Variants in GTF2F1 observed in about 807,000 individuals in gnomAD.
The protein encoded by GTF2F1 is general transcription factor IIF 74 kDa subunit.
GTF2F1 carries 39 observed loss-of-function variants against 63.5 expected under a neutral mutation model. The ratio of observed to expected loss-of-function variants is 0.61; its 90% CI spans 0.48 to 0.80. GTF2F1 has a LOEUF of 0.80. Among genes scored for constraint, GTF2F1 ranks in the 30% least tolerant of loss-of-function variants. The pLI is 0.00. For synonymous variants in GTF2F1, 287 were observed against 285.3 expected (o/e 1.01, Z -0.06); for missense variants, 657 against 718.3 (o/e 0.91, Z 0.97).
intron 5 of GTF2F1, among the ~76,000 whole-genome samples, chr19:6,384,673 T>A (rs1041521830): frequency 6.6e-6 from 1 of 152,146 alleles, no homozygotes; most frequent in Non-Finnish European, 1.5e-5. Context: ...CTCAAGCCTG[T>A]CATCCCAGCA....
At chr19:6,392,769 C>T in intron 2 of GTF2F1, 88 bp downstream of exon 2, 1 of 1,336,864 alleles carries the variant, frequency 7.5e-7, no homozygotes, top group Non-Finnish European at 1.1e-6. Flanking sequence ...GAACCACAGA[C>T]AGGGCCAGAA....
At chr19:6,392,476 A>T (rs1227682216) in intron 2 of GTF2F1, 2 of 520,966 alleles carry the variant, frequency 3.8e-6, no homozygotes, top group South Asian at 3.1e-5. Context: ...GCAGAGTCAC[A>T]GTTTAGGGGT....
At position 6,380,620 on chromosome 19, in the gene GTF2F1, C is replaced by G; in HGVS notation, c.1302G>C (p.Gly434=). The part of the protein sequence containing the change: ...RLDTGPQSLS[G]KSTPQPPSGK... Reference sequence around the variant, plus strand: ...CTGATGGTGGCTGGGGTGTCGACTTCCCAGACAGGCTCTGGGGTCCCGTGT... The same window carrying G: ...CTGATGGTGGCTGGGGTGTCGACTTGCCAGACAGGCTCTGGGGTCCCGTGT... Residue 434 remains glycine, a synonymous_variant, in exon 12 of 13, where the codon GGG becomes GGC. Transcript: ENST00000394456. This position sits in a 1 kb window ranked among gnomAD's most constrained non-coding sequence, Gnocchi z 5.3. 1 of 1,613,946 alleles carries G rather than the reference C, an allele frequency of 6.2e-7. No homozygotes were observed. The highest frequency in any genetic ancestry group is 8.5e-7 in the Non-Finnish European group (1 of 1,180,022).
In GTF2F1 at chr19:6,381,711, C is replaced by A. The variant is rs2091952660; in HGVS notation, c.822G>T (p.Met274Ile). 6.2e-7 allele frequency: 1 copy of A among 1,614,208 alleles called. No homozygotes were observed. Among genetic ancestry groups the A allele is most frequent in the Non-Finnish European group, 8.5e-7 (1 of 1,180,042 alleles). The change falls in exon 7 of 13, where the codon ATG becomes ATT. Residue 274 changes from methionine to isoleucine, a missense_variant. By Grantham distance (10) the Met-to-Ile change is conservative. Transcript: ENST00000394456. This position sits in a 1 kb window ranked among gnomAD's most constrained non-coding sequence, Gnocchi z 4.1. ...GDFEGQEVDY[M>I]SDGSSSSQEE... ...GTCGGCCTCACCTGGAGCCGTCTGA[C>A]ATGTAGTCCACCTCTTGGCCCTCGA...
rs746921999 is a variant in GTF2F1 at position 6,380,587 on chromosome 19, T to C, written c.1335A>G (p.Thr445=). 5.0e-6 allele frequency: 8 copies of C among 1,613,932 alleles called. No individual in the cohort carries two copies. Among genetic ancestry groups the C allele is most frequent in the Non-Finnish European group, 6.8e-6 (8 of 1,179,990 alleles). Residue 445 remains threonine, a synonymous_variant, in exon 12 of 13, where the codon ACA becomes ACG. Coordinates refer to ENST00000394456, the MANE Select transcript of GTF2F1 (RefSeq NM_002096.3). The surrounding 1 kb of genome is among the most constrained non-coding windows in gnomAD (Gnocchi z 5.3). ...KSTPQPPSGK[T]TPNSGDVQVT... is the part of the protein sequence containing the mutation. Reference sequence around the variant, plus strand: ...CGTCAACTTACCCGCTGTTGGGTGTTGTCTTGCCTGATGGTGGCTGGGGTG... The same window carrying C: ...CGTCAACTTACCCGCTGTTGGGTGTCGTCTTGCCTGATGGTGGCTGGGGTG...
At chr19:6,385,383 G>T (rs1007378785) in intron 5 of GTF2F1, among the ~76,000 whole-genome samples, 1 of 110,904 alleles carries the variant, frequency 9.0e-6, no homozygotes, top group Non-Finnish European at 1.7e-5. Flanking sequence ...CTGGGTGACA[G>T]TGAGACTGTC....
intron 4 of GTF2F1, among the ~76,000 whole-genome samples, chr19:6,388,296 C>T (rs1257654280): frequency 2.6e-5 from 4 of 152,192 alleles, no homozygotes; most frequent in Non-Finnish European, 5.9e-5. Context: ...TAAACAACTG[C>T]CCAGCCTCCT....
Position 6,384,755 on chromosome 19 carries a change from C to T in GTF2F1, c.498-1260G>A, listed in dbSNP as rs113222501. Among the ~76,000 whole-genome samples, 135 of 151,938 alleles carry T rather than the reference C, an allele frequency of 8.9e-4. 1 individual carries two copies. Among genetic ancestry groups the T allele is most frequent in the African/African-American group, 2.8e-3 (116 of 41,424 alleles). On this transcript the variant is annotated intron_variant, in intron 5 of 12. Transcript: ENST00000394456. Reference sequence around the variant, plus strand: ...TTTGAGACCAGCCTGAGCAACATGGCGAGACACCATCACCATTTGTTCTTT... The same window carrying T: ...TTTGAGACCAGCCTGAGCAACATGGTGAGACACCATCACCATTTGTTCTTT...
chr19:6,386,395 A>C (rs1012381501), intron 5 of GTF2F1, among the ~76,000 whole-genome samples: 1 of 146,720 alleles, frequency 6.8e-6, no homozygotes, highest in Non-Finnish European at 1.5e-5. Context: ...TTCAAAAAAA[A>C]ACACACAAAC....
rs1292370628 is a variant in GTF2F1, at chr19:6,383,400, C to T, written c.593G>A (p.Gly198Asp). 1 of 1,614,240 alleles carries T rather than the reference C, an allele frequency of 6.2e-7. No individual in the cohort carries two copies. ...GCGCAGCTCGCTCGCCTTCCTGCGG[C>T]CACGTTTCTCCTTCTCCTCCTCATC... ...DEDEEEKEKR[G>D]RRKASELRIH... The change falls in exon 6 of 13, where the codon GGC becomes GAC. Residue 198 changes from glycine (G) to aspartate (D), a missense_variant. This residue lies in a region of GTF2F1 where 602 missense variants were observed against 625.6 expected (regional missense o/e 0.96). Coordinates refer to ENST00000394456, the MANE Select transcript of GTF2F1 (RefSeq NM_002096.3). This position sits in a 1 kb window ranked among gnomAD's most constrained non-coding sequence, Gnocchi z 4.5.
chr19:6,389,810 T>C (rs1226201392), intron 3 of GTF2F1, 173 bp from the exon 4 acceptor site: 1 of 569,120 alleles, frequency 1.8e-6, no homozygotes, highest in Admixed American at 3.2e-5. Flanking sequence ...GTAAAGGGAA[T>C]TTGGGCGAGC....
rs2092008953 is a variant in GTF2F1 at position 6,393,130 on chromosome 19, G to A, written c.-135C>T. 7.1e-6 allele frequency: 8 copies of A among 1,124,822 alleles called. No individual in the cohort carries two copies. The South Asian group carries it at 9.2e-5, about 13-fold the overall frequency. The allele number at this position is 1,124,822 out of a possible 1,614,324, so 69.7% of individuals were successfully genotyped here. A position where few individuals can be genotyped will look rare whatever the true frequency, so the allele number is the denominator to read the frequency against. ...GCCTGAGCGAGGACCCCAACCCTAG[G>A]CGCCTCTGGCGCTGGGAAAAGGTAA... On this transcript the variant is annotated 5_prime_UTR_variant, in exon 1 of 13. Transcript: ENST00000394456.
In GTF2F1 at chr19:6,383,890, G is replaced by A. The variant is rs2091964758; in HGVS notation, c.498-395C>T. Reference sequence around the variant, plus strand: ...CGGCTCACTGCAACCTCCGCCTCCTGGCTTCAAGCAATTCTCCTGACTCAG... The same window carrying A: ...CGGCTCACTGCAACCTCCGCCTCCTAGCTTCAAGCAATTCTCCTGACTCAG... On this transcript the variant is annotated intron_variant, in intron 5 of 12. Coordinates refer to ENST00000394456, the MANE Select transcript of GTF2F1 (RefSeq NM_002096.3). The surrounding 1 kb of genome is among the most constrained non-coding windows in gnomAD (Gnocchi z 4.5). 6.6e-6 allele frequency among the ~76,000 whole-genome samples: 1 copy of A among 151,952 alleles called. No individual in the cohort carries two copies. Among genetic ancestry groups the A allele is most frequent in the South Asian group, 2.1e-4 (1 of 4,826 alleles).
chr19:6,382,729 T>G (rs916035197), intron 6 of GTF2F1, among the ~76,000 whole-genome samples: 1 of 140,758 alleles, frequency 7.1e-6, no homozygotes, highest in African/African-American at 2.7e-5. Context: ...CCCTCGGAGG[T>G]CAAGGCTGCA....
In GTF2F1 at chr19:6,380,552, CT is replaced by C. The variant is rs769355414; in HGVS notation, c.1349+20del. The C allele has an allele frequency of 1.2e-6, 2 of 1,613,274 alleles. No individual in the cohort carries two copies. The highest frequency in any genetic ancestry group is 1.7e-6 in the Non-Finnish European group (2 of 1,179,272). On this transcript the variant is annotated intron_variant, in intron 12 of 12. Coordinates refer to ENST00000394456, the MANE Select transcript of GTF2F1 (RefSeq NM_002096.3). The surrounding 1 kb of genome is among the most constrained non-coding windows in gnomAD (Gnocchi z 5.3). ...TCCCCAGTAGCCCTTGCCCTGCCCC[CT>C]GCTGTCCTCGTCAACTTACCCGCTG...
Position 6,380,134 on chromosome 19 carries a change from G to C in GTF2F1, c.*147C>G. On this transcript the variant is annotated 3_prime_UTR_variant, in exon 13 of 13. Coordinates refer to ENST00000394456, the MANE Select transcript of GTF2F1 (RefSeq NM_002096.3). The surrounding 1 kb of genome is among the most constrained non-coding windows in gnomAD (Gnocchi z 5.3). ...GCTAACTACGGGGCCCTGGGAGTCA[G>C]GGAGCAAGCAGGATGTCGAAGGGTC... 6.7e-6 allele frequency: 5 copies of C among 750,566 alleles called. No homozygotes were observed. 46.5% of individuals were successfully genotyped at this position (750,566 alleles called of 1,614,324 possible). A position where few individuals can be genotyped will look rare whatever the true frequency, so the allele number is the denominator to read the frequency against.
chr19:6,392,313 A>G, intron 2 of GTF2F1: 1 of 484,992 alleles, frequency 2.1e-6, no homozygotes, highest in South Asian at 1.5e-5. Context: ...AGGCAGAAGA[A>G]GAGCAGATGG....
rs191399373 is a variant in GTF2F1, at chr19:6,384,027, G to A, written c.498-532C>T. On this transcript the variant is annotated intron_variant, in intron 5 of 12. Transcript: ENST00000394456. ...TCACCATGTTGGACAGGCTGGTCTC[G>A]AACTCCTGACCTCATGATCCACCTT... Among the ~76,000 whole-genome samples the A allele has an allele frequency of 2.4e-3, 365 of 150,046 alleles. 11 individuals are homozygous for A. In the East Asian group the frequency reaches 0.063, roughly 26 times the overall value.
chr19:6,387,396 ACTC>A lies in GTF2F1; in HGVS notation c.487_489del (p.Glu163del), dbSNP rs2091977667. ...ACCACCCAGCCCACTCACCTCTCCC[ACTC>A]CTCCTCGGCCTCCTCGGCAGTGAGC... On this transcript the variant is annotated inframe_deletion, in exon 5 of 13. Coordinates refer to ENST00000394456, the MANE Select transcript of GTF2F1 (RefSeq NM_002096.3). 1 of 1,612,280 alleles carries A rather than the reference ACTC, an allele frequency of 6.2e-7. No homozygotes were observed. Among genetic ancestry groups the A allele is most frequent in the Non-Finnish European group, 8.5e-7 (1 of 1,179,554 alleles).
Sources: allele counts gnomAD v4.1 joint callset (sites outside exome capture counted in the v4.1 genomes callset), GRCh38; gene constraint gnomAD v4.1.1; regional missense constraint gnomAD v4.1.1; non-coding constraint Gnocchi (gnomAD v3.1); transcripts MANE v1.5; gene names NCBI Gene and HGNC (gene_info 2026-07-23, HGNC 2026-07-21).